The following PRKG1 variants were observed in gnomAD, a reference collection of about 807,000 sequenced individuals.
PRKG1 encodes the protein protein kinase cGMP-dependent 1, also known as cGMP-dependent protein kinase 1.
Under a neutral mutation model 88.1 loss-of-function variants are expected in PRKG1, and 35 were observed. The ratio of observed to expected loss-of-function variants is 0.40; its 90% CI spans 0.30 to 0.53. The LOEUF (loss-of-function observed/expected upper bound fraction) is 0.53. Ranked by LOEUF, PRKG1 falls within the 20% of genes least tolerant of loss-of-function variation. The pLI is 0.59. For synonymous variants in PRKG1, 303 were observed against 292.5 expected, an observed-to-expected ratio of 1.04 and a Z score of -0.37; for missense variants, 540 against 839.8, an observed-to-expected ratio of 0.64 and a Z score of 4.41.
At chr10:51,539,904 A>G (rs757816923) in intron 3 of PRKG1, among the ~76,000 whole-genome samples, 1 of 152,228 alleles carries the variant, frequency 6.6e-6, no homozygotes, top group Non-Finnish European at 1.5e-5. Flanking sequence ...GCATGTAAAA[A>G]AGATTTTTAA....
At chr10:51,560,954 G>A (rs1405162102) in intron 3 of PRKG1, among the ~76,000 whole-genome samples, 1 of 151,766 alleles carries the variant, frequency 6.6e-6, no homozygotes, top group Non-Finnish European at 1.5e-5. Flanking sequence ...TGCTTAGACG[G>A]TTTTGAACAG....
intron 3 of PRKG1, among the ~76,000 whole-genome samples, chr10:51,602,947 G>A (rs1838656294): frequency 6.6e-6 from 1 of 151,552 alleles, no homozygotes; most frequent in Non-Finnish European, 1.5e-5. Flanking sequence ...TTTAACTTTT[G>A]GATGAAATAA....
chr10:51,778,467 G>A (rs74132418), intron 3 of PRKG1, among the ~76,000 whole-genome samples: 2,379 of 152,212 alleles, frequency 0.016, 81 homozygotes, highest in African/African-American at 0.054. Flanking sequence ...AGAATGCAGG[G>A]GGATGCAGGA....
chr10:52,253,603 T>C (rs2339955), intron 10 of PRKG1, among the ~76,000 whole-genome samples: 5,813 of 151,846 alleles, frequency 0.038, 479 homozygotes, highest in East Asian at 0.34. Flanking sequence ...TTCATGTGCA[T>C]GTTTGAGTAT....
intron 2 of PRKG1, among the ~76,000 whole-genome samples, chr10:51,273,579 C>T (rs1451892664): frequency 6.6e-6 from 1 of 152,100 alleles, no homozygotes; most frequent in East Asian, 1.9e-4. Flanking sequence ...GTTTTTAAAC[C>T]TAGTCCAGCT....
chr10:52,175,260 T>A (rs955149330), intron 9 of PRKG1, among the ~76,000 whole-genome samples: 1 of 152,122 alleles, frequency 6.6e-6, no homozygotes, highest in Non-Finnish European at 1.5e-5. Flanking sequence ...GTTTCTGGCT[T>A]ATTTCACTTA....
chr10:51,970,001 T>TACACACACACAC lies in PRKG1; in HGVS notation c.762+62470_762+62481dup, dbSNP rs35117709. Among the ~76,000 whole-genome samples, 1,237 of 144,536 alleles carry TACACACACACAC rather than the reference T, an allele frequency of 8.6e-3. 11 individuals carry two copies. The highest frequency in any genetic ancestry group is 0.014 in the Non-Finnish European group (892 of 65,892). 94.8% of individuals were successfully genotyped at this position (144,536 alleles called of 152,430 possible). On this transcript the variant is annotated intron_variant, in intron 5 of 17. Transcript: ENST00000373980. ...TTGCTTTATTTGCCCATTCTCTTCA[T>TACACACACACAC]ACACACACACACACACACACACACA...
intron 2 of PRKG1, among the ~76,000 whole-genome samples, chr10:51,365,097 G>A (rs2132595046): frequency 6.6e-6 from 1 of 151,936 alleles, no homozygotes; most frequent in East Asian, 1.9e-4. Flanking sequence ...ATAACTTTGG[G>A]TTTTCTTATC....
intron 7 of PRKG1, among the ~76,000 whole-genome samples, chr10:52,074,717 TG>T (rs1301548156): frequency 2.6e-5 from 4 of 152,198 alleles, no homozygotes; most frequent in Non-Finnish European, 5.9e-5. Context: ...AATCATACTT[TG>T]GACAGGCAAC....
chr10:51,548,437 T>G lies in PRKG1; in HGVS notation c.592+80601T>G, dbSNP rs575434451. 9.2e-5 allele frequency among the ~76,000 whole-genome samples: 14 copies of G among 152,296 alleles called. 1 individual carries two copies. Among genetic ancestry groups the G allele is most frequent in the African/African-American group, 3.4e-4 (14 of 41,582 alleles). On this transcript the variant is annotated intron_variant, in intron 3 of 17. Coordinates refer to ENST00000373980, the MANE Select transcript of PRKG1 (RefSeq NM_006258.4). ...TTGGTAAATTTATCTTATTTTTTATTCTTTAGTAGTATTTTGGCATATCAC... is the reference window on the plus strand; with the variant it reads ...TTGGTAAATTTATCTTATTTTTTATGCTTTAGTAGTATTTTGGCATATCAC...
At chr10:51,994,266 G>A (rs1299387828) in intron 5 of PRKG1, among the ~76,000 whole-genome samples, 1 of 152,124 alleles carries the variant, frequency 6.6e-6, no homozygotes, top group Non-Finnish European at 1.5e-5. Context: ...TAGAGAGTGA[G>A]AATTTCAGTC....
Position 52,282,218 on chromosome 10 carries a change from A to C in PRKG1, c.1611A>C (p.Pro537=), listed in dbSNP as rs370755321. The change falls in exon 14 of 18, where the codon CCA becomes CCC. Residue 537 remains proline, a synonymous_variant. Coordinates refer to ENST00000373980, the MANE Select transcript of PRKG1 (RefSeq NM_006258.4). ...GKKTWTFCGT[P]EYVAPEIILN... ...AAACATGGACTTTTTGTGGGACTCC[A>C]GAGTATGTAGCCCCAGAGATCATCC... is the stretch of plus-strand genomic sequence containing the variant. 8 of 1,611,066 alleles carry C rather than the reference A, an allele frequency of 5.0e-6. No individual in the cohort carries two copies. In the African/African-American group the frequency reaches 1.1e-4, roughly 22 times the overall value.
intron 2 of PRKG1, among the ~76,000 whole-genome samples, chr10:51,229,926 C>CAAAAAAAAA (rs35300789): frequency 9.3e-4 from 31 of 33,478 alleles, no homozygotes; most frequent in African/African-American, 2.6e-3. Flanking sequence ...GAGGCGATCT[C>CAAAAAAAAA]AAAAAAAAAA....
intron 2 of PRKG1, among the ~76,000 whole-genome samples, chr10:51,330,846 T>C (rs192240608): frequency 2.6e-5 from 4 of 152,326 alleles, no homozygotes; most frequent in Non-Finnish European, 5.9e-5. Context: ...CCCCAATAGT[T>C]CTTGATCCTT....
At chr10:51,687,199 T>G (rs117256628) in intron 3 of PRKG1, among the ~76,000 whole-genome samples, 1 of 152,258 alleles carries the variant, frequency 6.6e-6, no homozygotes, top group Non-Finnish European at 1.5e-5. Context: ...ATTTGGTTAA[T>G]TTGTACTCTT....
intron 5 of PRKG1, among the ~76,000 whole-genome samples, chr10:52,031,171 C>T (rs1313798876): frequency 6.6e-6 from 1 of 152,134 alleles, no homozygotes; most frequent in East Asian, 1.9e-4. Context: ...TATTCCAACG[C>T]TGTTGCCTGT....
At chr10:52,132,788 A>T (rs10430472) in intron 7 of PRKG1, among the ~76,000 whole-genome samples, 8,480 of 152,100 alleles carry the variant, frequency 0.056, 509 homozygotes, top group East Asian at 0.36. Context: ...AATTATTTTT[A>T]AAAATTCTCA....
intron 4 of PRKG1, among the ~76,000 whole-genome samples, chr10:51,884,723 T>A (rs955519239): frequency 6.6e-6 from 1 of 152,282 alleles, no homozygotes; most frequent in African/African-American, 2.4e-5. Context: ...TACAGTAGTT[T>A]AGGATGAGAT....
chr10:51,487,318 G>T (rs1234863733), intron 3 of PRKG1, among the ~76,000 whole-genome samples: 1 of 152,088 alleles, frequency 6.6e-6, no homozygotes, highest in Non-Finnish European at 1.5e-5. Flanking sequence ...TAATTTACCA[G>T]GATATTTTGA....
Sources: allele counts gnomAD v4.1 joint callset (sites outside exome capture counted in the v4.1 genomes callset), GRCh38; gene constraint gnomAD v4.1.1; transcripts MANE v1.5; gene names NCBI Gene and HGNC (gene_info 2026-07-23, HGNC 2026-07-21).